Variants in SLF2 observed in about 807,000 individuals in gnomAD.
The protein encoded by SLF2 is SMC5-SMC6 complex localization factor protein 2.
Under a neutral mutation model 124.3 loss-of-function variants are expected in SLF2, and 68 were observed. That is an observed-to-expected ratio of 0.55 (90% CI 0.45 to 0.67). The LOEUF (loss-of-function observed/expected upper bound fraction) is 0.67, where lower values mean the gene tolerates loss of function less well. Among genes scored for constraint, SLF2 ranks in the 30% least tolerant of loss-of-function variants. The pLI is 0.00. For synonymous variants in SLF2, 480 were observed against 478.8 expected, an observed-to-expected ratio of 1.00 and a Z score of -0.03; for missense variants, 1,246 against 1,373.7, an observed-to-expected ratio of 0.91 and a Z score of 1.47.
chr10:100,963,142 C>G lies in SLF2; in HGVS notation c.*1230C>G, dbSNP rs1256796480. The G allele has an allele frequency of 6.6e-6, 1 of 152,398 alleles. No homozygotes were observed. Among genetic ancestry groups the G allele is most frequent in the Non-Finnish European group, 1.5e-5 (1 of 68,010 alleles). 9.4% of individuals were successfully genotyped at this position (152,398 alleles called of 1,614,324 possible). ...TGAGTGACCTGTTCTCCTGAGTGCT[C>G]TAGTGTCTCCAGTTGTGGGGGGGAA... On this transcript the variant is annotated 3_prime_UTR_variant, in exon 20 of 20. Coordinates refer to ENST00000238961, the MANE Select transcript of SLF2 (RefSeq NM_018121.4).
Position 100,949,187 on chromosome 10 carries a change from A to G in SLF2, c.3121-889A>G, listed in dbSNP as rs140782894. 8.2e-4 allele frequency among the ~76,000 whole-genome samples: 125 copies of G among 152,346 alleles called. 1 individual carries two copies. The highest frequency in any genetic ancestry group is 3.4e-3 in the Middle Eastern group (1 of 294). On this transcript the variant is annotated intron_variant, in intron 15 of 19. Coordinates refer to ENST00000238961, the MANE Select transcript of SLF2 (RefSeq NM_018121.4). ...ATTTGATTCCAGATATATGGGGATC[A>G]TGCTGGAGCTACCAGGATAATTAGC...
chr10:100,913,335 C>G (rs1303913233), intron 1 of SLF2, 85 bp downstream of exon 1: 1 of 1,384,622 alleles, frequency 7.2e-7, no homozygotes, highest in African/African-American at 1.5e-5. Flanking sequence ...TCTTCCAGTT[C>G]CCGCCATCCT....
chr10:100,913,550 C>T, intron 1 of SLF2: 1 of 1,234,828 alleles, frequency 8.1e-7, no homozygotes, highest in Non-Finnish European at 1.0e-6. Flanking sequence ...ACCCGGGACC[C>T]TAACTGCTTA....
chr10:100,960,238 G>C (rs1251071152), intron 19 of SLF2, among the ~76,000 whole-genome samples: 1 of 152,092 alleles, frequency 6.6e-6, no homozygotes, highest in Non-Finnish European at 1.5e-5. Context: ...ATGAACATTT[G>C]TATGCAAGTT....
intron 1 of SLF2, among the ~76,000 whole-genome samples, chr10:100,915,513 A>G (rs1178337572): frequency 6.6e-6 from 1 of 152,122 alleles, no homozygotes; most frequent in Non-Finnish European, 1.5e-5. Flanking sequence ...CTCCATTTTT[A>G]TAATCCCCAT....
At chr10:100,927,379 G>GCAGT (rs1849634877) in intron 6 of SLF2, among the ~76,000 whole-genome samples, 1 of 152,118 alleles carries the variant, frequency 6.6e-6, no homozygotes, top group African/African-American at 2.4e-5. Context: ...TTCATTCAGG[G>GCAGT]CAGTGTCTTC....
At position 100,929,852 on chromosome 10, in the gene SLF2, G is replaced by T; in HGVS notation, c.2188G>T (p.Val730Phe). 1 of 1,577,948 alleles carries T rather than the reference G, an allele frequency of 6.3e-7. No homozygotes were observed. The highest frequency in any genetic ancestry group is 8.6e-7 in the Non-Finnish European group (1 of 1,169,526). The change falls in exon 8 of 20, where the codon GTT becomes TTT. Residue 730 changes from valine (V) to phenylalanine (F), a missense_variant. Around this residue, in one of 3 missense-constraint regions of SLF2, gnomAD observed 535 missense variants for 632.8 expected, o/e 0.85. Coordinates refer to ENST00000238961, the MANE Select transcript of SLF2 (RefSeq NM_018121.4). Reference protein sequence around the residue: ...EHKEFLKKFSVTIDAIPDHHP... With the variant: ...EHKEFLKKFSFTIDAIPDHHP... ...CAGGGAATTTCTAAAGAAATTTTCA[G>T]TTACAATTGATGCTATTCCTGATCA... is the stretch of plus-strand genomic sequence containing the variant.
Position 100,938,673 on chromosome 10 carries a change from T to G in SLF2, c.2591T>G (p.Ile864Ser), listed in dbSNP as rs1325645498. The stretch of plus-strand genomic sequence containing the variant: ...GCAGCTGTGTTTTTCAATATGGGGA[T>G]TGATTTTAGATCTTTGTTTCCCCTG... ...DVAAVFFNMG[I>S]DFRSLFPLEN... The change falls in exon 11 of 20, where the codon ATT becomes AGT. Residue 864 changes from isoleucine (I) to serine (S), a missense_variant. By Grantham distance (142) the Ile-to-Ser change is moderately radical (BLOSUM62 -2). Coordinates refer to ENST00000238961, the MANE Select transcript of SLF2 (RefSeq NM_018121.4). 6.2e-7 allele frequency: 1 copy of G among 1,613,828 alleles called. No homozygotes were observed. Among genetic ancestry groups the G allele is most frequent in the Non-Finnish European group, 8.5e-7 (1 of 1,179,920 alleles).
chr10:100,936,199 G>A (rs951620946), intron 9 of SLF2, among the ~76,000 whole-genome samples: 1 of 151,618 alleles, frequency 6.6e-6, no homozygotes, highest in Non-Finnish European at 1.5e-5. Flanking sequence ...CTCACCTGAG[G>A]CATTAAGACT....
At chr10:100,929,534 G>A in intron 7 of SLF2, 95 bp downstream of exon 7, 1 of 1,098,932 alleles carries the variant, frequency 9.1e-7, no homozygotes, top group Non-Finnish European at 1.3e-6. Context: ...ATGGCTGTTA[G>A]TGAATAATTT....
chr10:100,926,833 C>T (rs1209878807), intron 6 of SLF2: 1 of 151,606 alleles, frequency 6.6e-6, no homozygotes, highest in East Asian at 1.9e-4. Flanking sequence ...TGGCGTGAAC[C>T]CGGAAGTCGG....
chr10:100,938,849 G>T, intron 11 of SLF2, 113 bp downstream of exon 11: 1 of 1,018,598 alleles, frequency 9.8e-7, no homozygotes, highest in Non-Finnish European at 1.4e-6. Flanking sequence ...TCTCAAAGTT[G>T]AGATCAATCT....
intron 12 of SLF2, 45 bp downstream of exon 12, chr10:100,944,173 T>G: frequency 1.5e-6 from 2 of 1,303,774 alleles, no homozygotes; most frequent in Non-Finnish European, 2.2e-6. Context: ...GCTAGAACCA[T>G]TTAGTCTGTG....
intron 4 of SLF2, among the ~76,000 whole-genome samples, chr10:100,922,651 G>T (rs1453235037): frequency 1.3e-5 from 2 of 151,690 alleles, no homozygotes; most frequent in Non-Finnish European, 2.9e-5. Context: ...TTGTTTTTTT[G>T]AGTTGAAGTC....
chr10:100,916,172 G>T, intron 2 of SLF2, 130 bp downstream of exon 2: 1 of 644,440 alleles, frequency 1.6e-6, no homozygotes, highest in South Asian at 2.9e-5. Context: ...AAATGAAGAT[G>T]CAGTATTTTG....
At position 100,916,837 on chromosome 10, in the gene SLF2, T is replaced by G. The variant is rs1849424396; in HGVS notation, c.452T>G (p.Val151Gly). 11 of 1,614,060 alleles carry G rather than the reference T, an allele frequency of 6.8e-6. No individual in the cohort carries two copies. Among genetic ancestry groups the G allele is most frequent in the Non-Finnish European group, 9.3e-6 (11 of 1,180,030 alleles). ...TTAGCCAAAGGAACAAATATCTATG[T>G]TCCTTCTTCATATCACTTGCCAAAG... is the stretch of plus-strand genomic sequence containing the variant. ...KYLAKGTNIY[V>G]PSSYHLPKEM... The change falls in exon 3 of 20, where the codon GTT becomes GGT. Residue 151 changes from valine to glycine, a missense_variant. This residue lies in a region of SLF2 where 698 missense variants were observed against 708.9 expected (regional missense o/e 0.98). Transcript: ENST00000238961.
At chr10:100,931,564 G>T (rs971736988) in intron 9 of SLF2, among the ~76,000 whole-genome samples, 4 of 151,936 alleles carry the variant, frequency 2.6e-5, no homozygotes, top group Non-Finnish European at 5.9e-5. Flanking sequence ...TTTAAGATAT[G>T]ATAATTCCAG....
At chr10:100,929,540 A>G in intron 7 of SLF2, 101 bp downstream of exon 7, 1 of 1,033,310 alleles carries the variant, frequency 9.7e-7, no homozygotes, top group South Asian at 2.1e-5. Context: ...GTTAGTGAAT[A>G]ATTTATGATA....
chr10:100,933,330 C>T (rs1384118895), intron 9 of SLF2, among the ~76,000 whole-genome samples: 1 of 152,134 alleles, frequency 6.6e-6, no homozygotes, highest in Non-Finnish European at 1.5e-5. Flanking sequence ...TTTCTGAAAA[C>T]CAGACTAATC....
Sources: gnomAD v4.1 joint callset for allele counts (sites outside exome capture counted in the v4.1 genomes callset) on GRCh38, gnomAD v4.1.1 for gene constraint, gnomAD v4.1.1 regional missense constraint, MANE v1.5 for transcripts, NCBI Gene and HGNC (gene_info 2026-07-23, HGNC 2026-07-21) for gene names.